ST6GALNAC3: variants seen among roughly 807,000 people sequenced by gnomAD.
ST6GALNAC3 encodes the protein ST6 N-acetylgalactosaminide alpha-2,6-sialyltransferase 3, also known as alpha-N-acetylgalactosaminide alpha-2,6-sialyltransferase 3.
ST6GALNAC3 carries 25 observed loss-of-function variants against 32.7 expected under a neutral mutation model. The observed-to-expected ratio is 0.76, with a 90% CI of 0.56 to 1.07. ST6GALNAC3 has a LOEUF of 1.07. Among genes scored for constraint, ST6GALNAC3 ranks in the 50% least tolerant of loss-of-function variants. ST6GALNAC3 has a pLI of 0.00. For synonymous variants in ST6GALNAC3, 129 were observed against 133.1 expected, an observed-to-expected ratio of 0.97 and a Z score of 0.21; for missense variants, 355 against 382.4, an observed-to-expected ratio of 0.93 and a Z score of 0.60.
intron 1 of ST6GALNAC3, among the ~76,000 whole-genome samples, chr1:76,151,440 C>T (rs1651035775): frequency 6.6e-6 from 1 of 152,238 alleles, no homozygotes; most frequent in Admixed American, 6.5e-5. Context: ...CAAATCACCC[C>T]TCCTAGTTTG....
intron 3 of ST6GALNAC3, among the ~76,000 whole-genome samples, chr1:76,604,325 T>C (rs1647386388): frequency 6.6e-6 from 1 of 152,168 alleles, no homozygotes; most frequent in African/African-American, 2.4e-5. Flanking sequence ...TCTTAGAAAT[T>C]CGTAAGTAAG....
chr1:76,604,313 C>G (rs888357515), intron 3 of ST6GALNAC3, among the ~76,000 whole-genome samples: 9 of 152,118 alleles, frequency 5.9e-5, no homozygotes, highest in African/African-American at 2.2e-4. Flanking sequence ...TACTATACCC[C>G]CTCTTAGAAA....
intron 2 of ST6GALNAC3, among the ~76,000 whole-genome samples, chr1:76,322,344 A>G (rs1212283605): frequency 6.6e-6 from 1 of 152,176 alleles, no homozygotes; most frequent in African/African-American, 2.4e-5. Flanking sequence ...TGTTCCAGAC[A>G]TTGTGCTAAG....
intron 1 of ST6GALNAC3, among the ~76,000 whole-genome samples, chr1:76,100,213 T>C (rs1004800228): frequency 6.6e-6 from 1 of 152,154 alleles, no homozygotes; most frequent in Non-Finnish European, 1.5e-5. Context: ...TCTTCTTTTC[T>C]AGTTGTGTTA....
chr1:76,159,454 T>C (rs429265), intron 1 of ST6GALNAC3, among the ~76,000 whole-genome samples: 21,336 of 152,244 alleles, frequency 0.14, 1,741 homozygotes, highest in Non-Finnish European at 0.19. Context: ...AAAGTGCTGT[T>C]GTTACAGGCA....
chr1:76,074,947 G>C lies in ST6GALNAC3; in HGVS notation c.18+63G>C, dbSNP rs754152359. Reference sequence around the variant, plus strand: ...CCAGCCCCTTGCTGCTCAGAGGCACGGAGTCAGCCGCGGTCCCACCGCATC... The same window carrying C: ...CCAGCCCCTTGCTGCTCAGAGGCACCGAGTCAGCCGCGGTCCCACCGCATC... On this transcript the variant is annotated intron_variant, in intron 1 of 4. Coordinates refer to ENST00000328299, the MANE Select transcript of ST6GALNAC3 (RefSeq NM_152996.4). 3.2e-6 allele frequency: 5 copies of C among 1,557,760 alleles called. No homozygotes were observed. In the South Asian group the frequency reaches 3.6e-5, roughly 11 times the overall value.
chr1:76,263,021 A>G (rs1194049165), intron 1 of ST6GALNAC3, among the ~76,000 whole-genome samples: 1 of 152,180 alleles, frequency 6.6e-6, no homozygotes, highest in Non-Finnish European at 1.5e-5. Context: ...GCTCTCAGGA[A>G]CAGCTTCTTA....
At chr1:76,160,884 C>T (rs935563241) in intron 1 of ST6GALNAC3, among the ~76,000 whole-genome samples, 2 of 103,526 alleles carry the variant, frequency 1.9e-5, no homozygotes, top group Non-Finnish European at 4.6e-5. Flanking sequence ...TTGCTCTATA[C>T]TTCAAATATC....
At chr1:76,564,697 T>C (rs1350437285) in intron 3 of ST6GALNAC3, among the ~76,000 whole-genome samples, 2 of 150,986 alleles carry the variant, frequency 1.3e-5, no homozygotes, top group Non-Finnish European at 2.9e-5. Flanking sequence ...GCCATTCTCC[T>C]GCCTCAGCCT....
intron 1 of ST6GALNAC3, among the ~76,000 whole-genome samples, chr1:76,251,161 C>T (rs567578984): frequency 1.3e-5 from 2 of 152,220 alleles, no homozygotes; most frequent in South Asian, 2.1e-4. Flanking sequence ...TAAACAACTA[C>T]TTTAATTAGC....
chr1:76,141,770 A>C (rs1650340938), intron 1 of ST6GALNAC3, among the ~76,000 whole-genome samples: 1 of 152,128 alleles, frequency 6.6e-6, no homozygotes, highest in Admixed American at 6.6e-5. Context: ...TTATAATAGC[A>C]CCTTAGCATG....
chr1:76,129,681 G>A (rs1474053002), intron 1 of ST6GALNAC3, among the ~76,000 whole-genome samples: 1 of 152,112 alleles, frequency 6.6e-6, no homozygotes, highest in African/African-American at 2.4e-5. Context: ...GAAGTGCCCT[G>A]ATTTGATTGG....
intron 1 of ST6GALNAC3, among the ~76,000 whole-genome samples, chr1:76,094,330 T>C (rs1473231268): frequency 6.6e-6 from 1 of 152,204 alleles, no homozygotes; most frequent in Non-Finnish European, 1.5e-5. Flanking sequence ...GCTATTGTGC[T>C]AAGTTAAGGA....
chr1:76,106,854 C>T (rs1647566811), intron 1 of ST6GALNAC3, among the ~76,000 whole-genome samples: 1 of 152,166 alleles, frequency 6.6e-6, no homozygotes, highest in Non-Finnish European at 1.5e-5. Context: ...GGCTCACTGC[C>T]ATTGTCATGG....
chr1:76,131,391 A>G (rs1649600159), intron 1 of ST6GALNAC3, among the ~76,000 whole-genome samples: 4 of 152,192 alleles, frequency 2.6e-5, no homozygotes, highest in Admixed American at 2.6e-4. Context: ...AGGGTCATGA[A>G]GGGACCCCTG....
intron 1 of ST6GALNAC3, among the ~76,000 whole-genome samples, chr1:76,297,748 A>T (rs1026725214): frequency 2.0e-5 from 3 of 152,170 alleles, no homozygotes; most frequent in South Asian, 2.1e-4. Flanking sequence ...AACATAGTAG[A>T]TGCTCAATTA....
intron 3 of ST6GALNAC3, among the ~76,000 whole-genome samples, chr1:76,454,312 A>C (rs1032440315): frequency 6.6e-6 from 1 of 152,034 alleles, no homozygotes; most frequent in South Asian, 2.1e-4. Context: ...GTACTATTCT[A>C]TTATTCCTGT....
At chr1:76,536,575 C>T (rs532313310) in intron 3 of ST6GALNAC3, among the ~76,000 whole-genome samples, 2 of 148,154 alleles carry the variant, frequency 1.3e-5, no homozygotes, top group Non-Finnish European at 3.0e-5. Flanking sequence ...CATGTGGTGA[C>T]CACAGTTCGT....
rs917258591 is a variant in ST6GALNAC3, at chr1:76,301,371, T to TA, written c.19-12424dup. Among the ~76,000 whole-genome samples the TA allele has an allele frequency of 4.9e-4, 73 of 150,160 alleles. 1 individual carries two copies. The highest frequency in any genetic ancestry group is 8.0e-4 in the African/African-American group (33 of 41,004). On this transcript the variant is annotated intron_variant, in intron 1 of 4. Coordinates refer to ENST00000328299, the MANE Select transcript of ST6GALNAC3 (RefSeq NM_152996.4). ...GGCACAGAGTGATCTGGTGATGGTT[T>TA]AAAAAAAAAATCAAAGGCTCTTTGA...
Sources: gnomAD v4.1 joint callset for allele counts (sites outside exome capture counted in the v4.1 genomes callset) on GRCh38, gnomAD v4.1.1 for gene constraint, MANE v1.5 for transcripts, NCBI Gene and HGNC (gene_info 2026-07-23, HGNC 2026-07-21) for gene names.